The following ATP12A variants were observed in gnomAD, a reference collection of about 807,000 sequenced individuals.
The protein encoded by ATP12A is ATPase H+/K+ transporting non-gastric alpha2 subunit, also known as potassium-transporting ATPase alpha chain 2.
ATP12A carries 81 observed loss-of-function variants against 111.2 expected under a neutral mutation model. The ratio of observed to expected loss-of-function variants is 0.73; its 90% confidence interval spans 0.61 to 0.88. ATP12A has a LOEUF of 0.88. ATP12A is among the 40% of genes least tolerant of loss of function. ATP12A has a pLI of 0.00. For missense variants in ATP12A, 1,196 were observed against 1,313.1 expected, an observed-to-expected ratio of 0.91 and a Z score of 1.38; for synonymous variants, 498 against 499.8, an observed-to-expected ratio of 1.00 and a Z score of 0.05.
At chr13:24,693,312 G>T (rs528043472) in intron 10 of ATP12A, among the ~76,000 whole-genome samples, 3 of 151,914 alleles carry the variant, frequency 2.0e-5, no homozygotes, top group Non-Finnish European at 1.5e-5. Flanking sequence ...CTGGAATATC[G>T]GAACATACAA....
At chr13:24,700,355 C>T (rs1304946422) in intron 12 of ATP12A, among the ~76,000 whole-genome samples, 2 of 152,182 alleles carry the variant, frequency 1.3e-5, no homozygotes, top group Non-Finnish European at 2.9e-5. Flanking sequence ...CAAGCTTCAC[C>T]TCACATGTGA....
intron 18 of ATP12A, 59 bp from the exon 19 acceptor site, chr13:24,709,624 A>G: frequency 1.2e-6 from 2 of 1,602,016 alleles, no homozygotes; most frequent in Non-Finnish European, 1.7e-6. Flanking sequence ...AGTAGACAGG[A>G]TGAGGCAGTT....
At chr13:24,682,400 T>TGTGTGCGC (rs1491158117) in intron 2 of ATP12A, among the ~76,000 whole-genome samples, 3 of 149,816 alleles carry the variant, frequency 2.0e-5, no homozygotes, top group African/African-American at 7.4e-5. Flanking sequence ...GTGGTGTGTG[T>TGTGTGCGC]ATGTGTGTGT....
In ATP12A at chr13:24,694,075, C is replaced by A. The variant is rs573037884; in HGVS notation, c.1378-369C>A. On this transcript the variant is annotated intron_variant, in intron 10 of 22. Coordinates refer to ENST00000381946, the MANE Select transcript of ATP12A (RefSeq NM_001676.7). The stretch of plus-strand genomic sequence containing the variant: ...CAGGTCTTGCCACACCCTCCACATC[C>A]GCTTGTACCTTGAACACTCACGGAC... Among the ~76,000 whole-genome samples the A allele has an allele frequency of 6.0e-4, 92 of 152,324 alleles. 2 individuals are homozygous for A. In the South Asian group the frequency reaches 0.019, roughly 31 times the overall value.
intron 13 of ATP12A, among the ~76,000 whole-genome samples, chr13:24,701,181 G>T (rs573965071): frequency 2.6e-5 from 4 of 152,068 alleles, no homozygotes; most frequent in Non-Finnish European, 1.5e-5. Flanking sequence ...ACCATATCTC[G>T]CCCTAGTCCA....
At chr13:24,707,576 A>C in intron 17 of ATP12A, 143 bp downstream of exon 17, 3 of 1,147,712 alleles carry the variant, frequency 2.6e-6, no homozygotes, top group Non-Finnish European at 3.6e-6. Flanking sequence ...TGCATTTCTC[A>C]CAGGTTCTCA....
intron 2 of ATP12A, among the ~76,000 whole-genome samples, chr13:24,683,753 G>A (rs572687602): frequency 3.9e-5 from 6 of 152,208 alleles, no homozygotes; most frequent in Middle Eastern, 6.8e-3. Flanking sequence ...GATTAAATGA[G>A]ATAAAACAGG....
intron 11 of ATP12A, among the ~76,000 whole-genome samples, chr13:24,698,330 A>G (rs1459941846): frequency 6.6e-6 from 1 of 152,120 alleles, no homozygotes; most frequent in African/African-American, 2.4e-5. Flanking sequence ...GGTGAGATGC[A>G]GAGGCTCGCA....
rs769284504 is a variant in ATP12A, at chr13:24,680,418, G to C, written c.-326G>C. Reference sequence around the variant, plus strand: ...GATTCCCAGGGGGTCCTCAATCCTGGACTCTCCCGACCCCTAGCTGTCGGT... The same window carrying C: ...GATTCCCAGGGGGTCCTCAATCCTGCACTCTCCCGACCCCTAGCTGTCGGT... On this transcript the variant is annotated 5_prime_UTR_variant, in exon 1 of 23. Coordinates refer to ENST00000381946, the MANE Select transcript of ATP12A (RefSeq NM_001676.7). 5.4e-6 allele frequency: 2 copies of C among 367,996 alleles called. No individual in the cohort carries two copies. Among genetic ancestry groups the C allele is most frequent in the East Asian group, 5.2e-5 (1 of 19,296 alleles). 22.8% of individuals were successfully genotyped at this position (367,996 alleles called of 1,614,324 possible). A position where few individuals can be genotyped will look rare whatever the true frequency, so the allele number is the denominator to read the frequency against.
chr13:24,698,909 C>G (rs550567680), intron 12 of ATP12A, 59 bp downstream of exon 12: 1 of 1,579,032 alleles, frequency 6.3e-7, no homozygotes, highest in South Asian at 1.2e-5. Flanking sequence ...GAGGCAGGCG[C>G]CTTGAGGACC....
rs1346881160 is a variant in ATP12A, at chr13:24,707,412, C to T, written c.2472C>T (p.Phe824=). 3 of 1,614,188 alleles carry T rather than the reference C, an allele frequency of 1.9e-6. No individual in the cohort carries two copies. The highest frequency in any genetic ancestry group is 1.7e-6 in the Non-Finnish European group (2 of 1,180,022). The change falls in exon 17 of 23, where the codon TTC becomes TTT. Residue 824 remains phenylalanine, a synonymous_variant. Coordinates refer to ENST00000381946, the MANE Select transcript of ATP12A (RefSeq NM_001676.7). ...CCATTGGCACCATCACCATTCTGTT[C>T]ATTGACTTGGGGACAGACATTGTAA... ...PLPIGTITIL[F]IDLGTDIIPS...
intron 8 of ATP12A, 78 bp downstream of exon 8, chr13:24,691,328 T>C: frequency 6.7e-7 from 1 of 1,490,694 alleles, no homozygotes; most frequent in Non-Finnish European, 9.0e-7. Flanking sequence ...CCACACAAAC[T>C]GCAATCTCCC....
intron 2 of ATP12A, 128 bp downstream of exon 2, chr13:24,681,848 G>A: frequency 8.0e-7 from 1 of 1,253,568 alleles, no homozygotes; most frequent in East Asian, 2.5e-5. Flanking sequence ...GATTGTGTGT[G>A]GTGTGTGGTG....
chr13:24,689,191 G>C, intron 4 of ATP12A, 71 bp from the exon 5 acceptor site: 1 of 1,214,372 alleles, frequency 8.2e-7, no homozygotes, highest in South Asian at 1.2e-5. Flanking sequence ...CTCCCGTGGA[G>C]AGCTCTAGCC....
In ATP12A at chr13:24,711,904, A is replaced by T. The variant is rs999829902; in HGVS notation, c.*382A>T. 3.8e-6 allele frequency: 1 copy of T among 265,836 alleles called. No homozygotes were observed. Among genetic ancestry groups the T allele is most frequent in the East Asian group, 9.6e-5 (1 of 10,420 alleles). 16.5% of individuals were successfully genotyped at this position (265,836 alleles called of 1,614,324 possible). On this transcript the variant is annotated 3_prime_UTR_variant, in exon 23 of 23. Transcript: ENST00000381946. ...TGCTCAGAACTCCTTTCCACACCCTATTAAAGGCCCCATGACCTCCCTAAG... is the reference window on the plus strand; with the variant it reads ...TGCTCAGAACTCCTTTCCACACCCTTTTAAAGGCCCCATGACCTCCCTAAG...
intron 5 of ATP12A, among the ~76,000 whole-genome samples, chr13:24,689,999 T>G (rs1874812282): frequency 6.6e-6 from 1 of 152,230 alleles, no homozygotes; most frequent in East Asian, 1.9e-4. Flanking sequence ...GGTCTCCTTT[T>G]CTAGGAGGCC....
chr13:24,709,300 C>A, intron 17 of ATP12A, 64 bp from the exon 18 acceptor site: 1 of 1,304,872 alleles, frequency 7.7e-7, no homozygotes, highest in Non-Finnish European at 1.0e-6. Flanking sequence ...CCCAGCCCCC[C>A]TCCCCTACTG....
Position 24,698,765 on chromosome 13 carries a change from C to G in ATP12A, c.1620C>G (p.Gly540=). 1 of 1,614,026 alleles carries G rather than the reference C, an allele frequency of 6.2e-7. No individual in the cohort carries two copies. Among genetic ancestry groups the G allele is most frequent in the Non-Finnish European group, 8.5e-7 (1 of 1,180,026 alleles). Residue 540 remains glycine, a synonymous_variant, in exon 12 of 23, where the codon GGC becomes GGG. Transcript: ENST00000381946. ...AATGCAGCACCATCATGATCAACGG[C>G]GAGGAGCACCCACTGGACAAGAGCA... ...LEKCSTIMIN[G]EEHPLDKSTA...
intron 17 of ATP12A, among the ~76,000 whole-genome samples, 161 bp from the exon 18 acceptor site, chr13:24,709,203 C>T (rs1221113480): frequency 1.3e-5 from 2 of 152,164 alleles, no homozygotes; most frequent in African/African-American, 4.8e-5. Context: ...TCTTAAATTT[C>T]CATACAGACA....
Sources: gnomAD v4.1 joint callset for allele counts (sites outside exome capture counted in the v4.1 genomes callset) on GRCh38, gnomAD v4.1.1 for gene constraint, MANE v1.5 for transcripts, NCBI Gene and HGNC (gene_info 2026-07-23, HGNC 2026-07-21) for gene names.